The following NETO2 variants were observed in gnomAD, a reference collection of about 807,000 sequenced individuals.
NETO2 encodes the protein neuropilin and tolloid like 2, also known as neuropilin and tolloid-like protein 2.
A neutral mutation model predicts 62.5 loss-of-function variants in NETO2; 28 were observed. That is an observed-to-expected ratio of 0.45 (90% CI 0.33 to 0.61). NETO2 has a LOEUF of 0.61. NETO2 is among the 20% of genes least tolerant of loss of function. The pLI is 0.02. For synonymous variants in NETO2, 214 were observed against 219.1 expected, an observed-to-expected ratio of 0.98 and a Z score of 0.21; for missense variants, 548 against 643.2, an observed-to-expected ratio of 0.85 and a Z score of 1.60.
intron 6 of NETO2, among the ~76,000 whole-genome samples, chr16:47,112,503 T>C (rs905571562): frequency 1.6e-4 from 24 of 152,256 alleles, no homozygotes; most frequent in African/African-American, 5.1e-4. Context: ...GGACTACCGG[T>C]GTGCACCACC....
intron 1 of NETO2, among the ~76,000 whole-genome samples, chr16:47,136,783 CAT>C (rs1964368720): frequency 6.6e-6 from 1 of 151,940 alleles, no homozygotes; most frequent in African/African-American, 2.4e-5. Context: ...TCTGGGATAA[CAT>C]ATTAATTCTT....
Position 47,116,816 on chromosome 16 carries a change from T to C in NETO2, c.654+5841A>G, listed in dbSNP as rs1443319175. Reference sequence around the variant, plus strand: ...AGCACAGGATGATTTGGGTTGTGTATGTCTACTGGGACATGTTTGGGCAGC... The same window carrying C: ...AGCACAGGATGATTTGGGTTGTGTACGTCTACTGGGACATGTTTGGGCAGC... On this transcript the variant is annotated intron_variant, in intron 6 of 8. Coordinates refer to ENST00000562435, the MANE Select transcript of NETO2 (RefSeq NM_018092.5). 7.2e-5 allele frequency among the ~76,000 whole-genome samples: 11 copies of C among 152,336 alleles called. No homozygotes were observed. In the East Asian group the frequency reaches 1.9e-3, roughly 27 times the overall value.
Position 47,143,862 on chromosome 16 carries a change from G to T in NETO2, c.-250C>A. The stretch of plus-strand genomic sequence containing the variant: ...TCCGCGGCGCCCCGTCCCATCGACC[G>T]CCCGAGGGCCGAGGAGTGCGGACGC... On this transcript the variant is annotated 5_prime_UTR_variant, in exon 1 of 9. Transcript: ENST00000562435. 3.3e-6 allele frequency: 1 copy of T among 307,090 alleles called. No homozygotes were observed. Among genetic ancestry groups the T allele is most frequent in the Admixed American group, 5.4e-5 (1 of 18,472 alleles). 19.0% of individuals were successfully genotyped at this position (307,090 alleles called of 1,614,324 possible).
At chr16:47,128,256 A>G in intron 4 of NETO2, 69 bp downstream of exon 4, 1 of 1,521,660 alleles carries the variant, frequency 6.6e-7, no homozygotes, top group Non-Finnish European at 8.8e-7. Flanking sequence ...TCTCTTTTCT[A>G]ACCTTAAGAT....
At chr16:47,118,356 A>G (rs1219092485) in intron 6 of NETO2, among the ~76,000 whole-genome samples, 2 of 152,216 alleles carry the variant, frequency 1.3e-5, no homozygotes, top group African/African-American at 4.8e-5. Flanking sequence ...CAGGCACCTC[A>G]GAAAGAAAGC....
In NETO2 at chr16:47,078,528, A is replaced by G. The variant is rs1963013520; in HGVS notation, c.*4693T>C. ...GTCATTAAACCAATTGCAAAAATAC[A>G]TTTTTAAAAAGTTAAAGTAAAGCAA... On this transcript the variant is annotated 3_prime_UTR_variant, in exon 9 of 9. Transcript: ENST00000562435. 2.0e-5 allele frequency: 3 copies of G among 152,220 alleles called. No homozygotes were observed. The highest frequency in any genetic ancestry group is 4.4e-5 in the Non-Finnish European group (3 of 68,028). The allele number at this position is 152,220 out of a possible 1,614,324, so 9.4% of individuals were successfully genotyped here.
At chr16:47,119,469 T>C (rs1373865474) in intron 6 of NETO2, among the ~76,000 whole-genome samples, 1 of 152,188 alleles carries the variant, frequency 6.6e-6, no homozygotes, top group East Asian at 1.9e-4. Context: ...TCTTTTTTTT[T>C]CTAGATCAAT....
At chr16:47,092,977 C>G (rs1963344462) in intron 7 of NETO2, among the ~76,000 whole-genome samples, 1 of 152,186 alleles carries the variant, frequency 6.6e-6, no homozygotes, top group Non-Finnish European at 1.5e-5. Context: ...CGTTTCCCCA[C>G]TCTTCTTTGT....
intron 8 of NETO2, among the ~76,000 whole-genome samples, 154 bp from the exon 9 acceptor site, chr16:47,083,955 C>T (rs1432087777): frequency 6.6e-6 from 1 of 152,160 alleles, no homozygotes; most frequent in Non-Finnish European, 1.5e-5. Flanking sequence ...ACAAATAAAA[C>T]AACCCTATTA....
chr16:47,095,535 A>AG (rs1567381999), intron 7 of NETO2, among the ~76,000 whole-genome samples: 1 of 152,142 alleles, frequency 6.6e-6, no homozygotes, highest in East Asian at 1.9e-4. Flanking sequence ...AAAGACAGCT[A>AG]GGGGGTGGCA....
chr16:47,077,883 G>GC lies in NETO2; in HGVS notation c.*5337dup, dbSNP rs569491246. 4.6e-5 allele frequency: 7 copies of GC among 152,308 alleles called. No individual in the cohort carries two copies. The East Asian group carries it at 1.4e-3, about 29-fold the overall frequency. 9.4% of individuals were successfully genotyped at this position (152,308 alleles called of 1,614,324 possible). A position where few individuals can be genotyped will look rare whatever the true frequency, so the allele number is the denominator to read the frequency against. ...GCTTGTGAAACTCAGAGGAGTTTCT[G>GC]CCTTCTTTTGCTCCCCACTCCGTGT... On this transcript the variant is annotated 3_prime_UTR_variant, in exon 9 of 9. Coordinates refer to ENST00000562435, the MANE Select transcript of NETO2 (RefSeq NM_018092.5).
At chr16:47,138,029 C>T (rs966731032) in intron 1 of NETO2, among the ~76,000 whole-genome samples, 4 of 152,170 alleles carry the variant, frequency 2.6e-5, no homozygotes, top group African/African-American at 7.2e-5. Context: ...GCTATTCTAT[C>T]TTCATTATAG....
intron 4 of NETO2, 152 bp downstream of exon 4, chr16:47,128,173 G>T: frequency 1.1e-6 from 1 of 925,586 alleles, no homozygotes; most frequent in Non-Finnish European, 1.6e-6. Context: ...CTTCTTATTT[G>T]TTCATGGACT....
chr16:47,132,225 AGTGGTTTT>A (rs1358752404), intron 1 of NETO2, among the ~76,000 whole-genome samples, 200 bp from the exon 2 acceptor site: 5 of 152,120 alleles, frequency 3.3e-5, no homozygotes, highest in African/African-American at 1.2e-4. Flanking sequence ...AGAAAAGACA[AGTGGTTTT>A]GTACTCATTT....
rs1299459093 is a variant in NETO2 at position 47,143,713 on chromosome 16, A to G, written c.-101T>C. 1.7e-6 allele frequency: 2 copies of G among 1,198,004 alleles called. No individual in the cohort carries two copies. Among genetic ancestry groups the G allele is most frequent in the African/African-American group, 3.2e-5 (2 of 62,998 alleles). The allele number at this position is 1,198,004 out of a possible 1,614,324, so 74.2% of individuals were successfully genotyped here. A position where few individuals can be genotyped will look rare whatever the true frequency, so the allele number is the denominator to read the frequency against. ...GCGGCGACGGCCCCACTCCGTCCCC[A>G]TCGCCGGCCAGCAGCTGCCTCCCCG... On this transcript the variant is annotated 5_prime_UTR_variant, in exon 1 of 9. An upstream start codon of the reference 5' UTR is lost. Transcript: ENST00000562435.
At chr16:47,114,513 T>A (rs1043345936) in intron 6 of NETO2, among the ~76,000 whole-genome samples, 4 of 139,048 alleles carry the variant, frequency 2.9e-5, no homozygotes, top group African/African-American at 1.1e-4. Flanking sequence ...TGCAGTGGCA[T>A]GATCTCGGCT....
intron 7 of NETO2, among the ~76,000 whole-genome samples, chr16:47,086,913 A>G (rs1963201372): frequency 6.6e-6 from 1 of 152,228 alleles, no homozygotes; most frequent in Non-Finnish European, 1.5e-5. Flanking sequence ...TGGATGGATA[A>G]ACAATGTAGC....
intron 1 of NETO2, among the ~76,000 whole-genome samples, chr16:47,138,479 C>A (rs999462872): frequency 6.6e-6 from 1 of 152,176 alleles, no homozygotes; most frequent in African/African-American, 2.4e-5. Context: ...AACAACAATT[C>A]CCCTAAGTTG....
At chr16:47,124,359 T>C (rs946968433) in intron 4 of NETO2, among the ~76,000 whole-genome samples, 1 of 152,278 alleles carries the variant, frequency 6.6e-6, no homozygotes, top group East Asian at 1.9e-4. Context: ...ATTATTGCAT[T>C]AAAATGTCCA....
Sources: allele counts gnomAD v4.1 joint callset (sites outside exome capture counted in the v4.1 genomes callset), GRCh38; gene constraint gnomAD v4.1.1; transcripts MANE v1.5; gene names NCBI Gene and HGNC (gene_info 2026-07-23, HGNC 2026-07-21).